Variants in ZFAND6 observed in about 807,000 individuals in gnomAD.
ZFAND6 encodes the protein AN1-type zinc finger protein 6.
ZFAND6 carries 12 observed loss-of-function variants against 24.5 expected under a neutral mutation model. That is an observed-to-expected ratio of 0.49 (90% CI 0.31 to 0.79). ZFAND6 has a LOEUF of 0.79. Ranked by LOEUF, ZFAND6 falls within the 30% of genes least tolerant of loss-of-function variation. The pLI, the probability that ZFAND6 is intolerant of heterozygous loss-of-function variation, is 0.04. For missense variants in ZFAND6, 207 were observed against 245.9 expected, an observed-to-expected ratio of 0.84 and a Z score of 1.06; for synonymous variants, 92 against 81.5, an observed-to-expected ratio of 1.13 and a Z score of -0.69.
intron 2 of ZFAND6, among the ~76,000 whole-genome samples, chr15:80,101,104 A>G (rs1596264272): frequency 6.6e-6 from 1 of 152,240 alleles, no homozygotes; most frequent in Admixed American, 6.5e-5. Flanking sequence ...GAATTTGAAC[A>G]TTACAAAGTA....
chr15:80,074,552 G>A (rs772704222), intron 1 of ZFAND6, among the ~76,000 whole-genome samples: 27 of 151,906 alleles, frequency 1.8e-4, no homozygotes, highest in Non-Finnish European at 3.1e-4. Flanking sequence ...TTATTTGTGC[G>A]TTTCTTAATT....
chr15:80,091,120 A>G (rs2038332536), intron 1 of ZFAND6, among the ~76,000 whole-genome samples: 1 of 151,972 alleles, frequency 6.6e-6, no homozygotes, highest in African/African-American at 2.4e-5. Flanking sequence ...TTGCAAAGAA[A>G]GATTTCATTA....
At position 80,131,552 on chromosome 15, in the gene ZFAND6, C is replaced by G. The variant is rs541442509; in HGVS notation, c.478+259C>G. 76 of 423,026 alleles carry G rather than the reference C, an allele frequency of 1.8e-4. No homozygotes were observed. The Middle Eastern group carries it at 1.8e-3, about 10-fold the overall frequency. 26.2% of individuals were successfully genotyped at this position (423,026 alleles called of 1,614,324 possible). On this transcript the variant is annotated intron_variant, in intron 6 of 6. Transcript: ENST00000261749. Reference sequence around the variant, plus strand: ...ACAAATAAGGTTAGTGTGCCAGATTCTGTGAAAGGTCAAAGATGTGGCTCC... The same window carrying G: ...ACAAATAAGGTTAGTGTGCCAGATTGTGTGAAAGGTCAAAGATGTGGCTCC...
chr15:80,098,873 G>A (rs1443678562), intron 2 of ZFAND6, among the ~76,000 whole-genome samples: 1 of 152,004 alleles, frequency 6.6e-6, no homozygotes, highest in Non-Finnish European at 1.5e-5. Context: ...GCAAAAGATT[G>A]TAATTCTTTA....
intron 2 of ZFAND6, among the ~76,000 whole-genome samples, chr15:80,113,574 C>G (rs1026009798): frequency 6.6e-6 from 1 of 152,146 alleles, no homozygotes; most frequent in Non-Finnish European, 1.5e-5. Context: ...TGCTGAATAA[C>G]TGTTTCATTT....
At chr15:80,085,706 T>A (rs1300934594) in intron 1 of ZFAND6, among the ~76,000 whole-genome samples, 3 of 152,200 alleles carry the variant, frequency 2.0e-5, no homozygotes, top group African/African-American at 7.2e-5. Context: ...GGGATCATAT[T>A]GTACATACTG....
intron 1 of ZFAND6, among the ~76,000 whole-genome samples, chr15:80,088,995 G>A (rs1202127871): frequency 6.6e-6 from 1 of 151,760 alleles, no homozygotes; most frequent in Non-Finnish European, 1.5e-5. Flanking sequence ...GCTTATCTCA[G>A]TATCCTCATC....
chr15:80,060,136 G>C (rs2036244574), intron 1 of ZFAND6: 1 of 152,060 alleles, frequency 6.6e-6, no homozygotes, highest in Admixed American at 6.5e-5. Flanking sequence ...CAGGGCCGCG[G>C]AGGCCGCGAC....
chr15:80,137,554 T>C lies in ZFAND6; in HGVS notation c.553T>C (p.Tyr185His). The C allele has an allele frequency of 6.2e-7, 1 of 1,605,284 alleles. No homozygotes were observed. The highest frequency in any genetic ancestry group is 8.5e-7 in the Non-Finnish European group (1 of 1,177,262). Residue 185 changes from tyrosine (Y) to histidine (H), a missense_variant, in exon 7 of 7, where the codon TAC becomes CAC. Coordinates refer to ENST00000261749, the MANE Select transcript of ZFAND6 (RefSeq NM_019006.4). ...AGATGTACACAATTGCTCTTACAAT[T>C]ACAAAGCCGATGCTGCTGAGAAAAT... ...YSDVHNCSYN[Y>H]KADAAEKIRK...
At chr15:80,083,242 C>T (rs775912338) in intron 1 of ZFAND6, among the ~76,000 whole-genome samples, 2 of 152,152 alleles carry the variant, frequency 1.3e-5, no homozygotes, top group Admixed American at 6.5e-5. Flanking sequence ...CCGCCCGCTT[C>T]GGCCTCCCAA....
intron 5 of ZFAND6, chr15:80,123,120 G>A (rs1476875183): frequency 5.9e-6 from 1 of 168,854 alleles, no homozygotes. Flanking sequence ...TACTCTGTAA[G>A]AAAACTGGGG....
At chr15:80,120,571 C>G in intron 3 of ZFAND6, 73 bp downstream of exon 3, 1 of 1,243,974 alleles carries the variant, frequency 8.0e-7, no homozygotes, top group Non-Finnish European at 1.1e-6. Context: ...TACCCAATAC[C>G]TTTTTCTGCT....
intron 1 of ZFAND6, among the ~76,000 whole-genome samples, chr15:80,095,364 C>A (rs2038656591): frequency 6.6e-6 from 1 of 152,174 alleles, no homozygotes; most frequent in African/African-American, 2.4e-5. Flanking sequence ...CCACTTGTTT[C>A]CTTATCAGTG....
At chr15:80,084,571 G>T (rs560821351) in intron 1 of ZFAND6, among the ~76,000 whole-genome samples, 1 of 152,318 alleles carries the variant, frequency 6.6e-6, no homozygotes, top group African/African-American at 2.4e-5. Context: ...TAATTTACGT[G>T]GGGGCAGTGT....
At chr15:80,118,340 G>GT (rs11376478) in intron 2 of ZFAND6, among the ~76,000 whole-genome samples, 116,298 of 151,730 alleles carry the variant, frequency 0.77, 44,845 homozygotes, top group Admixed American at 0.85. Flanking sequence ...AGCCAGGATG[G>GT]CTCTAGCTCC....
intron 2 of ZFAND6, among the ~76,000 whole-genome samples, chr15:80,115,295 A>G (rs2039822089): frequency 6.6e-6 from 1 of 152,182 alleles, no homozygotes; most frequent in Non-Finnish European, 1.5e-5. Flanking sequence ...GAACAGTCAA[A>G]AGTCACATTT....
intron 5 of ZFAND6, among the ~76,000 whole-genome samples, chr15:80,124,127 G>A (rs2040267686): frequency 6.6e-6 from 1 of 152,134 alleles, no homozygotes; most frequent in Admixed American, 6.5e-5. Context: ...GCAGAAATGA[G>A]GAATCTTTAA....
intron 1 of ZFAND6, among the ~76,000 whole-genome samples, chr15:80,096,660 G>C (rs2038740298): frequency 6.6e-6 from 1 of 152,118 alleles, no homozygotes; most frequent in Non-Finnish European, 1.5e-5. Flanking sequence ...TGGTGTTTTT[G>C]AATTATGTTG....
At chr15:80,070,446 A>G (rs954848533) in intron 1 of ZFAND6, among the ~76,000 whole-genome samples, 6 of 152,170 alleles carry the variant, frequency 3.9e-5, no homozygotes, top group Non-Finnish European at 7.3e-5. Context: ...TGGTTGTGAC[A>G]TTGCTTTCTT....
Sources: allele counts gnomAD v4.1 joint callset (sites outside exome capture counted in the v4.1 genomes callset), GRCh38; gene constraint gnomAD v4.1.1; transcripts MANE v1.5; gene names NCBI Gene and HGNC (gene_info 2026-07-23, HGNC 2026-07-21).